TRAPPC9: variants seen among roughly 807,000 people sequenced by gnomAD.
The protein encoded by TRAPPC9 is IKK2 binding protein.
Under a neutral mutation model 124.0 loss-of-function variants are expected in TRAPPC9, and 83 were observed. The observed-to-expected ratio is 0.67, with a 90% CI of 0.56 to 0.80. The LOEUF (loss-of-function observed/expected upper bound fraction) is 0.80. Among genes scored for constraint, TRAPPC9 ranks in the 30% least tolerant of loss-of-function variants. The pLI, the probability that TRAPPC9 is intolerant of heterozygous loss-of-function variation, is 0.00. For missense variants in TRAPPC9, 1,302 were observed against 1,508.3 expected (o/e 0.86, Z 2.27); for synonymous variants, 638 against 617.5 (o/e 1.03, Z -0.49).
At chr8:139,737,510 G>A (rs1413166308) in intron 21 of TRAPPC9, among the ~76,000 whole-genome samples, 7 of 147,734 alleles carry the variant, frequency 4.7e-5, no homozygotes, top group Non-Finnish European at 8.9e-5. Flanking sequence ...GTCTGGGTGT[G>A]TAGGGTCCAG....
intron 21 of TRAPPC9, among the ~76,000 whole-genome samples, chr8:139,837,388 AGGCCCCT>A (rs1364683954): frequency 6.6e-6 from 1 of 152,148 alleles, no homozygotes; most frequent in East Asian, 1.9e-4. Context: ...CACTTCAAAA[AGGCCCCT>A]GTCCTCCCAT....
In TRAPPC9 at chr8:139,912,591, C is replaced by T. The variant is rs555482149; in HGVS notation, c.2811-2291G>A. On this transcript the variant is annotated intron_variant, in intron 19 of 22. Coordinates refer to ENST00000438773, the MANE Select transcript of TRAPPC9 (RefSeq NM_001160372.4). ...GCCGAGTCTTCCAGAAGCCCATCTC[C>T]GAGCAGCATGGACAGGCCTGTCTCC... is the stretch of plus-strand genomic sequence containing the variant. Among the ~76,000 whole-genome samples the T allele has an allele frequency of 7.8e-4, 119 of 152,320 alleles. No homozygotes were observed. In the South Asian group the frequency reaches 0.015, roughly 19 times the overall value.
intron 19 of TRAPPC9, among the ~76,000 whole-genome samples, chr8:139,913,554 T>C (rs1831894426): frequency 6.6e-6 from 1 of 152,232 alleles, no homozygotes; most frequent in Non-Finnish European, 1.5e-5. Flanking sequence ...CAGAGCAGCA[T>C]GGGACAGAGA....
At chr8:139,783,664 T>C (rs1231522498) in intron 21 of TRAPPC9, among the ~76,000 whole-genome samples, 2 of 152,234 alleles carry the variant, frequency 1.3e-5, no homozygotes, top group East Asian at 1.9e-4. Context: ...GAGTCCAGCA[T>C]TATCCTGATG....
At chr8:140,036,154 C>G (rs1840861553) in intron 17 of TRAPPC9, among the ~76,000 whole-genome samples, 1 of 152,132 alleles carries the variant, frequency 6.6e-6, no homozygotes, top group Non-Finnish European at 1.5e-5. Context: ...GGACCCACGC[C>G]TGTGCTCCCA....
chr8:140,300,438 C>T, intron 11 of TRAPPC9, 31 bp downstream of exon 11: 1 of 1,613,912 alleles, frequency 6.2e-7, no homozygotes, highest in Non-Finnish European at 8.5e-7. Flanking sequence ...GGTGGCAGAG[C>T]ACGGTGGGAA....
intron 2 of TRAPPC9, among the ~76,000 whole-genome samples, chr8:140,441,460 G>A (rs1280484474): frequency 6.6e-6 from 1 of 152,082 alleles, no homozygotes; most frequent in Non-Finnish European, 1.5e-5. Flanking sequence ...TTTTAAATTA[G>A]ACTTTAAAGC....
intron 19 of TRAPPC9, among the ~76,000 whole-genome samples, chr8:139,935,146 A>G (rs780348907): frequency 6.6e-6 from 1 of 152,194 alleles, no homozygotes; most frequent in Non-Finnish European, 1.5e-5. Context: ...GAGAAGGTGC[A>G]TGGTGAATGA....
At chr8:140,218,446 A>T (rs892204367) in intron 17 of TRAPPC9, among the ~76,000 whole-genome samples, 1 of 152,128 alleles carries the variant, frequency 6.6e-6, no homozygotes, top group African/African-American at 2.4e-5. Flanking sequence ...GCATTTATTC[A>T]TGACAATCTC....
chr8:139,956,214 T>G (rs1834975276), intron 19 of TRAPPC9, among the ~76,000 whole-genome samples: 1 of 151,772 alleles, frequency 6.6e-6, no homozygotes, highest in Non-Finnish European at 1.5e-5. Context: ...TGGGCTGGAG[T>G]GCAGTGGTGT....
chr8:139,922,461 C>T (rs566888837), intron 19 of TRAPPC9, among the ~76,000 whole-genome samples: 26 of 152,368 alleles, frequency 1.7e-4, no homozygotes, highest in African/African-American at 5.3e-4. Flanking sequence ...GGATTACAGG[C>T]GTGAGCCACC....
chr8:140,425,604 T>G (rs2070394982), intron 5 of TRAPPC9, among the ~76,000 whole-genome samples: 1 of 151,976 alleles, frequency 6.6e-6, no homozygotes, highest in South Asian at 2.1e-4. Flanking sequence ...CTCCTACAAC[T>G]AATGTGATTG....
chr8:139,765,864 C>T (rs1820554010), intron 21 of TRAPPC9, among the ~76,000 whole-genome samples: 1 of 152,210 alleles, frequency 6.6e-6, no homozygotes, highest in Admixed American at 6.5e-5. Context: ...ACAGGGCACA[C>T]TTCATCCCCA....
Position 139,901,390 on chromosome 8 carries a change from G to A in TRAPPC9, c.2964+8757C>T, listed in dbSNP as rs919168820. Among the ~76,000 whole-genome samples the A allele has an allele frequency of 2.6e-5, 4 of 152,228 alleles. No individual in the cohort carries two copies. In the South Asian group the frequency reaches 8.3e-4, roughly 32 times the overall value. The stretch of plus-strand genomic sequence containing the variant: ...TTGCCATGACTTTGTTTTCTAATTT[G>A]CATCATGAACTTTCAGAATGCTGAT... On this transcript the variant is annotated intron_variant, in intron 20 of 22. Transcript: ENST00000438773.
At position 140,441,281 on chromosome 8, in the gene TRAPPC9, C is replaced by T. The variant is rs981737149; in HGVS notation, c.585-2084G>A. The stretch of plus-strand genomic sequence containing the variant: ...CAGTTCTTTGCCCAGCCAGCTCTTA[C>T]TCTCAAAGGTAGACAGTGTTTTGCT... On this transcript the variant is annotated intron_variant, in intron 2 of 22. Transcript: ENST00000438773. Among the ~76,000 whole-genome samples, 4 of 151,904 alleles carry T rather than the reference C, an allele frequency of 2.6e-5. No homozygotes were observed. The South Asian group carries it at 8.3e-4, about 32-fold the overall frequency.
chr8:140,455,934 G>C (rs1313674286), intron 1 of TRAPPC9, among the ~76,000 whole-genome samples: 1 of 152,212 alleles, frequency 6.6e-6, no homozygotes. Context: ...CATGTTGTAT[G>C]ATTCCATTAA....
intron 17 of TRAPPC9, among the ~76,000 whole-genome samples, chr8:140,145,696 G>T (rs2061451980): frequency 6.6e-6 from 1 of 151,712 alleles, no homozygotes; most frequent in Non-Finnish European, 1.5e-5. Flanking sequence ...TAGTTTTTTT[G>T]GGGGGTTTTT....
intron 21 of TRAPPC9, among the ~76,000 whole-genome samples, chr8:139,780,793 A>T (rs939546545): frequency 6.6e-6 from 1 of 152,192 alleles, no homozygotes; most frequent in Non-Finnish European, 1.5e-5. Context: ...TGTTATCCAA[A>T]ATATACGAAG....
At chr8:140,147,369 C>T (rs375680915) in intron 17 of TRAPPC9, among the ~76,000 whole-genome samples, 11 of 152,202 alleles carry the variant, frequency 7.2e-5, no homozygotes, top group African/African-American at 1.2e-4. Context: ...GCAGCACAAA[C>T]GCTCCTAGCA....
Sources: allele counts gnomAD v4.1 joint callset (sites outside exome capture counted in the v4.1 genomes callset), GRCh38; gene constraint gnomAD v4.1.1; transcripts MANE v1.5; gene names NCBI Gene and HGNC (gene_info 2026-07-23, HGNC 2026-07-21).